Variants in SLC38A10 observed in about 807,000 individuals in gnomAD.
SLC38A10 encodes Sodium-coupled neutral amino acid transporter 10.
A neutral mutation model predicts 81.0 loss-of-function variants in SLC38A10; 53 were observed. The ratio of observed to expected loss-of-function variants is 0.65; its 90% CI spans 0.53 to 0.82. The LOEUF (loss-of-function observed/expected upper bound fraction) is 0.82. Ranked by LOEUF, SLC38A10 falls within the 40% of genes least tolerant of loss-of-function variation. The pLI is 0.00. For missense variants in SLC38A10, 1,471 were observed against 1,545.0 expected, an observed-to-expected ratio of 0.95 and a Z score of 0.80; for synonymous variants, 665 against 655.3, an observed-to-expected ratio of 1.01 and a Z score of -0.23.
At chr17:81,275,640 G>A (rs1271099660) in intron 8 of SLC38A10, among the ~76,000 whole-genome samples, 1 of 146,272 alleles carries the variant, frequency 6.8e-6, no homozygotes, top group African/African-American at 2.6e-5. Flanking sequence ...GCTGAGGCAG[G>A]AGAATGGCGT....
In SLC38A10 at chr17:81,252,547, A is replaced by C; in HGVS notation, c.1593T>G (p.Ala531=). ...KPPSRHAGGK[A]PGVQGQMAPP... Reference sequence around the variant, plus strand: ...GCGCCATCTGGCCCTGGACCCCTGGAGCCTTTCCGCCCGCGTGTCTGGATG... The same window carrying C: ...GCGCCATCTGGCCCTGGACCCCTGGCGCCTTTCCGCCCGCGTGTCTGGATG... Residue 531 remains alanine (A), a synonymous_variant, in exon 13 of 16, where the codon GCT becomes GCG. Coordinates refer to ENST00000374759, the MANE Select transcript of SLC38A10 (RefSeq NM_001037984.3). The C allele has an allele frequency of 6.2e-7, 1 of 1,613,200 alleles. No individual in the cohort carries two copies. The highest frequency in any genetic ancestry group is 8.5e-7 in the Non-Finnish European group (1 of 1,180,000).
intron 9 of SLC38A10, among the ~76,000 whole-genome samples, chr17:81,271,974 G>A (rs1002598888): frequency 6.6e-6 from 1 of 151,686 alleles, no homozygotes; most frequent in Non-Finnish European, 1.5e-5. Context: ...TGATCCGCCC[G>A]CCTCGGCCTC....
chr17:81,247,924 G>C (rs575922475), intron 14 of SLC38A10, among the ~76,000 whole-genome samples: 208 of 145,408 alleles, frequency 1.4e-3, no homozygotes, highest in African/African-American at 4.8e-3. Context: ...TCCGAGATGA[G>C]AATTTTAAAA....
intron 10 of SLC38A10, among the ~76,000 whole-genome samples, chr17:81,260,800 G>C (rs1034172206): frequency 6.6e-6 from 1 of 152,220 alleles, no homozygotes; most frequent in Non-Finnish European, 1.5e-5. Flanking sequence ...GGTACGTGAC[G>C]AGCCTTAGGG....
intron 2 of SLC38A10, chr17:81,285,181 A>C: frequency 3.2e-6 from 1 of 311,782 alleles, no homozygotes; most frequent in Non-Finnish European, 6.0e-6. Flanking sequence ...CCTGCGATGC[A>C]GTCCTCCCAC....
At chr17:81,294,261 C>T (rs1239465105) in intron 1 of SLC38A10, among the ~76,000 whole-genome samples, 1 of 152,086 alleles carries the variant, frequency 6.6e-6, no homozygotes, top group Non-Finnish European at 1.5e-5. Context: ...GAACTCCTGA[C>T]CTCAGGTGAT....
In SLC38A10 at chr17:81,246,537, A is replaced by G. The variant is rs2146874576; in HGVS notation, c.2379T>C (p.Ala793=). Reference sequence around the variant, plus strand: ...AGCGCTGGTTAAGGTCCTGGGATGGAGCAGGGCGGCCCCCAGGAGCTCTGA... The same window carrying G: ...AGCGCTGGTTAAGGTCCTGGGATGGGGCAGGGCGGCCCCCAGGAGCTCTGA... ...PVLRAPGGRP[A]PSQDLNQRSL... is the part of the protein sequence containing the mutation. The change falls in exon 16 of 16, where the codon GCT becomes GCC. Residue 793 remains alanine, a synonymous_variant. Transcript: ENST00000374759. 1.3e-6 allele frequency: 2 copies of G among 1,520,696 alleles called. No individual in the cohort carries two copies. Among genetic ancestry groups the G allele is most frequent in the Non-Finnish European group, 1.8e-6 (2 of 1,136,134 alleles). 94.2% of individuals were successfully genotyped at this position (1,520,696 alleles called of 1,614,324 possible).
Position 81,245,730 on chromosome 17 carries a change from AC to A in SLC38A10, c.3185del (p.Gly1062ValfsTer21). 1 of 1,596,972 alleles carries A rather than the reference AC, an allele frequency of 6.3e-7. No homozygotes were observed. ...TGACCCCATCCCTCGGGGCCAGCTG[AC>A]CCTCTGCATGAGGGCCAAGGTCCCG... ...RRRDLGPHAE[G>X]QLAPRDGVII... is the part of the protein sequence containing the mutation. On this transcript the variant is annotated frameshift_variant, in exon 16 of 16. Transcript: ENST00000374759. LOFTEE classifies it low-confidence loss of function (END_TRUNC).
In SLC38A10 at chr17:81,252,560, G is replaced by A. The variant is rs772492283; in HGVS notation, c.1580C>T (p.Ala527Val). 4.8e-5 allele frequency: 78 copies of A among 1,613,280 alleles called. No homozygotes were observed. Among genetic ancestry groups the A allele is most frequent in the Non-Finnish European group, 6.0e-5 (71 of 1,180,032 alleles). Residue 527 changes from alanine (A) to valine (V), a missense_variant, in exon 13 of 16, where the codon GCG becomes GTG. Physicochemically the swap from Ala to Val is moderately conservative, Grantham distance 64. Coordinates refer to ENST00000374759, the MANE Select transcript of SLC38A10 (RefSeq NM_001037984.3). ...PEENKPPSRH[A>V]GGKAPGVQGQ... ...CTGGACCCCTGGAGCCTTTCCGCCC[G>A]CGTGTCTGGATGGAGGTTTGTTCTC...
chr17:81,257,898 G>T (rs765629372), intron 11 of SLC38A10, among the ~76,000 whole-genome samples: 2 of 152,272 alleles, frequency 1.3e-5, no homozygotes, highest in Non-Finnish European at 2.9e-5. Flanking sequence ...CGGGAGGACA[G>T]GGGACCTGCA....
At chr17:81,264,590 CA>C (rs1204630410) in intron 10 of SLC38A10, 1 of 152,254 alleles carries the variant, frequency 6.6e-6, no homozygotes, top group Non-Finnish European at 1.5e-5. Context: ...GCACCAGGGG[CA>C]GGGGAGAAAA....
At position 81,283,365 on chromosome 17, in the gene SLC38A10, G is replaced by T; in HGVS notation, c.357+44C>A. 1 of 1,558,986 alleles carries T rather than the reference G, an allele frequency of 6.4e-7. No individual in the cohort carries two copies. Among genetic ancestry groups the T allele is most frequent in the Non-Finnish European group, 8.8e-7 (1 of 1,138,174 alleles). ...GGATCCCACAGAGGGCCTCAGAGCAGCCGTCAGCATCTGAACAACCCAGAA... is the reference window on the plus strand; with the variant it reads ...GGATCCCACAGAGGGCCTCAGAGCATCCGTCAGCATCTGAACAACCCAGAA... On this transcript the variant is annotated intron_variant, in intron 4 of 15. Transcript: ENST00000374759. This position sits in a 1 kb window ranked among gnomAD's most constrained non-coding sequence, Gnocchi z 4.7.
intron 6 of SLC38A10, 100 bp downstream of exon 6, chr17:81,280,509 A>G (rs2063200663): frequency 6.5e-7 from 1 of 1,528,796 alleles, no homozygotes; most frequent in East Asian, 2.3e-5. Context: ...AGCAGCCAGC[A>G]AAGAGCGATC....
rs569971719 is a variant in SLC38A10 at position 81,246,089 on chromosome 17, C to A, written c.2827G>T (p.Gly943Cys). 6 of 1,608,174 alleles carry A rather than the reference C, an allele frequency of 3.7e-6. No homozygotes were observed. In the African/African-American group the frequency reaches 6.7e-5, roughly 18 times the overall value. ...TGTGCAGCTGCTCCTTCCGCCCCAC[C>A]GGGCAGGTCCGCTGCAAGGCCCAGG... ...RDLGLAADLPGGAEGAAAQPQ... is the reference protein window; with the variant it reads ...RDLGLAADLPCGAEGAAAQPQ... Residue 943 changes from glycine to cysteine, a missense_variant, in exon 16 of 16, where the codon GGT (glycine) becomes TGT (cysteine). By Grantham distance (159) the Gly-to-Cys change is radical. Around this residue, in one of 2 missense-constraint regions of SLC38A10, gnomAD observed 751 missense variants for 717.4 expected, o/e 1.05. Transcript: ENST00000374759.
In SLC38A10 at chr17:81,265,854, C is replaced by T. The variant is rs1019874395; in HGVS notation, c.1131+5064G>A. Among the ~76,000 whole-genome samples, 3 of 152,344 alleles carry T rather than the reference C, an allele frequency of 2.0e-5. No individual in the cohort carries two copies. The highest frequency in any genetic ancestry group is 1.9e-4 in the East Asian group (1 of 5,190). On this transcript the variant is annotated intron_variant, in intron 10 of 15. Coordinates refer to ENST00000374759, the MANE Select transcript of SLC38A10 (RefSeq NM_001037984.3). The surrounding 1 kb of genome is among the most constrained non-coding windows in gnomAD (Gnocchi z 4.2). ...ACGACCTACTGCGGAGCCGTAGGAGCGCTGGGGACAGGACGCACCAGACCC... is the reference window on the plus strand; with the variant it reads ...ACGACCTACTGCGGAGCCGTAGGAGTGCTGGGGACAGGACGCACCAGACCC...
At chr17:81,256,190 A>C (rs917010403) in intron 11 of SLC38A10, among the ~76,000 whole-genome samples, 3 of 152,274 alleles carry the variant, frequency 2.0e-5, no homozygotes, top group Admixed American at 1.3e-4. Context: ...CGGATCCCTC[A>C]GACTTTCCTC....
At chr17:81,255,708 C>A (rs2062965749) in intron 11 of SLC38A10, among the ~76,000 whole-genome samples, 1 of 152,202 alleles carries the variant, frequency 6.6e-6, no homozygotes, top group Non-Finnish European at 1.5e-5. Flanking sequence ...TCAAAAATCG[C>A]CTCCAGGCCA....
chr17:81,246,787 C>A, intron 15 of SLC38A10, 98 bp downstream of exon 15: 1 of 1,495,974 alleles, frequency 6.7e-7, no homozygotes, highest in South Asian at 1.4e-5. Flanking sequence ...GACTCACGCT[C>A]AGGTCTAGAG....
Position 81,251,525 on chromosome 17 carries a change from G to A in SLC38A10, c.2033C>T (p.Ala678Val), listed in dbSNP as rs770439555. 39 of 1,596,098 alleles carry A rather than the reference G, an allele frequency of 2.4e-5. No individual in the cohort carries two copies. The highest frequency in any genetic ancestry group is 2.1e-4 in the Middle Eastern group (1 of 4,744). The change falls in exon 14 of 16, where the codon GCG becomes GTG. Residue 678 changes from alanine (A) to valine (V), a missense_variant. Coordinates refer to ENST00000374759, the MANE Select transcript of SLC38A10 (RefSeq NM_001037984.3). ...EPREQRDVER[A>V]GGNQAASQLE... ...CTGGCTGGCCGCCTGGTTTCCACCCGCTCGCTCCACGTCCCTCTGCTCGCG... is the reference window on the plus strand; with the variant it reads ...CTGGCTGGCCGCCTGGTTTCCACCCACTCGCTCCACGTCCCTCTGCTCGCG...
Sources: gnomAD v4.1 joint callset for allele counts (sites outside exome capture counted in the v4.1 genomes callset) on GRCh38, gnomAD v4.1.1 for gene constraint, gnomAD v4.1.1 regional missense constraint, Gnocchi (gnomAD v3.1) non-coding constraint, MANE v1.5 for transcripts, NCBI Gene and HGNC (gene_info 2026-07-23, HGNC 2026-07-21) for gene names.